GMDS: variants seen among roughly 807,000 people sequenced by gnomAD.
GMDS encodes GDP-mannose 4,6-dehydratase.
Under a neutral mutation model 49.9 loss-of-function variants are expected in GMDS, and 20 were observed. The ratio of observed to expected loss-of-function variants is 0.40; its 90% confidence interval spans 0.28 to 0.58. The LOEUF (loss-of-function observed/expected upper bound fraction) is 0.58. Among genes scored for constraint, GMDS ranks in the 20% least tolerant of loss-of-function variants. The probability of loss-of-function intolerance (pLI) is 0.42; values close to 1 mark genes in which losing one functional copy is unlikely to be tolerated. For missense variants in GMDS, 362 were observed against 481.4 expected, an observed-to-expected ratio of 0.75 and a Z score of 2.32; for synonymous variants, 177 against 178.6, an observed-to-expected ratio of 0.99 and a Z score of 0.07.
At chr6:1,758,170 A>G (rs1036260204) in intron 7 of GMDS, among the ~76,000 whole-genome samples, 15 of 152,342 alleles carry the variant, frequency 9.8e-5, no homozygotes, top group African/African-American at 3.6e-4. Context: ...TTATCCTGCT[A>G]AAACTCTCTG....
At chr6:2,219,330 T>A (rs1780478171) in intron 1 of GMDS, among the ~76,000 whole-genome samples, 1 of 152,142 alleles carries the variant, frequency 6.6e-6, no homozygotes, top group African/African-American at 2.4e-5. Flanking sequence ...ACAGAACCAG[T>A]TTGGCTGAAG....
At chr6:1,754,752 A>G (rs1016743725) in intron 7 of GMDS, among the ~76,000 whole-genome samples, 1 of 152,218 alleles carries the variant, frequency 6.6e-6, no homozygotes, top group African/African-American at 2.4e-5. Context: ...ATAATCCATC[A>G]CATAAACAGA....
chr6:1,943,517 G>C (rs924802678), intron 6 of GMDS, among the ~76,000 whole-genome samples: 2 of 152,206 alleles, frequency 1.3e-5, no homozygotes, highest in Non-Finnish European at 2.9e-5. Flanking sequence ...AGAGGGAGGG[G>C]AGCAGGGCTA....
chr6:1,924,328 C>A (rs943505039), intron 7 of GMDS, among the ~76,000 whole-genome samples: 24 of 152,212 alleles, frequency 1.6e-4, no homozygotes, highest in Non-Finnish European at 3.4e-4. Flanking sequence ...CCCTAACGAT[C>A]CTCACGTCCT....
At chr6:2,037,218 A>G (rs1769357448) in intron 4 of GMDS, among the ~76,000 whole-genome samples, 1 of 152,196 alleles carries the variant, frequency 6.6e-6, no homozygotes, top group South Asian at 2.1e-4. Context: ...CTTCTTGTAC[A>G]AGTAAAAGAA....
At chr6:1,887,554 G>A (rs1206376818) in intron 7 of GMDS, among the ~76,000 whole-genome samples, 1 of 152,078 alleles carries the variant, frequency 6.6e-6, no homozygotes, top group African/African-American at 2.4e-5. Flanking sequence ...ATTTTCTTCT[G>A]CTCTGCCTTC....
chr6:2,135,069 A>G (rs971704148), intron 1 of GMDS, among the ~76,000 whole-genome samples: 1 of 152,160 alleles, frequency 6.6e-6, no homozygotes, highest in African/African-American at 2.4e-5. Context: ...AGAATATGAA[A>G]CCAATTTGTT....
intron 7 of GMDS, among the ~76,000 whole-genome samples, chr6:1,863,918 T>C (rs983877424): frequency 6.6e-6 from 1 of 152,146 alleles, no homozygotes; most frequent in South Asian, 2.1e-4. Context: ...TTTTCTAATG[T>C]GTCATTTAAA....
chr6:1,743,748 T>A (rs1305328750), intron 7 of GMDS, among the ~76,000 whole-genome samples: 1 of 145,024 alleles, frequency 6.9e-6, no homozygotes, highest in Non-Finnish European at 1.5e-5. Context: ...TTTTTTTTTT[T>A]AATACAGATA....
intron 9 of GMDS, among the ~76,000 whole-genome samples, chr6:1,656,742 C>T (rs960055421): frequency 4.7e-5 from 7 of 150,482 alleles, no homozygotes; most frequent in African/African-American, 1.2e-4. Flanking sequence ...CCAGCCTGGG[C>T]GACAGAGCGA....
chr6:2,139,675 A>C (rs1481671581), intron 1 of GMDS, among the ~76,000 whole-genome samples: 1 of 152,234 alleles, frequency 6.6e-6, no homozygotes, highest in Non-Finnish European at 1.5e-5. Context: ...AAAGTCACAA[A>C]GCTATTAACT....
At chr6:2,094,180 A>G (rs924847558) in intron 4 of GMDS, among the ~76,000 whole-genome samples, 9 of 152,236 alleles carry the variant, frequency 5.9e-5, no homozygotes, top group African/African-American at 2.2e-4. Context: ...TGTGACAGTG[A>G]GGCAGACACA....
At chr6:1,820,071 T>C (rs1770831543) in intron 7 of GMDS, among the ~76,000 whole-genome samples, 3 of 151,998 alleles carry the variant, frequency 2.0e-5, no homozygotes. Flanking sequence ...TTTTATGATA[T>C]TGTACATTTT....
At chr6:1,910,038 G>A (rs1019240227) in intron 7 of GMDS, among the ~76,000 whole-genome samples, 8 of 152,006 alleles carry the variant, frequency 5.3e-5, no homozygotes, top group Admixed American at 5.2e-4. Flanking sequence ...TACAGAAAAA[G>A]GAATGTAAAA....
intron 4 of GMDS, among the ~76,000 whole-genome samples, chr6:2,033,493 T>C (rs1418539699): frequency 6.6e-6 from 1 of 152,220 alleles, no homozygotes; most frequent in African/African-American, 2.4e-5. Context: ...ACTTTATCAC[T>C]GAACCAAATA....
chr6:2,027,556 T>C (rs983803985), intron 4 of GMDS, among the ~76,000 whole-genome samples: 1 of 152,112 alleles, frequency 6.6e-6, no homozygotes, highest in East Asian at 1.9e-4. Context: ...ATCAACATAA[T>C]GATAAGCATA....
chr6:1,630,904 G>T (rs940176135), intron 9 of GMDS, among the ~76,000 whole-genome samples: 1 of 152,068 alleles, frequency 6.6e-6, no homozygotes, highest in African/African-American at 2.4e-5. Flanking sequence ...TCATAGTTGT[G>T]ATGCGGGGGC....
intron 1 of GMDS, among the ~76,000 whole-genome samples, chr6:2,188,833 G>A (rs1242705505): frequency 2.0e-5 from 3 of 152,210 alleles, no homozygotes; most frequent in African/African-American, 4.8e-5. Context: ...CACAGGTGAG[G>A]ACGTGGAAGA....
At chr6:1,737,062 G>T (rs979776880) in intron 8 of GMDS, among the ~76,000 whole-genome samples, 10 of 152,192 alleles carry the variant, frequency 6.6e-5, no homozygotes, top group African/African-American at 2.4e-4. Context: ...CAAATGAAGG[G>T]AGCAAGGTGC....
Sources: allele counts gnomAD v4.1 joint callset (sites outside exome capture counted in the v4.1 genomes callset), GRCh38; gene constraint gnomAD v4.1.1; transcripts MANE v1.5; gene names NCBI Gene and HGNC (gene_info 2026-07-23, HGNC 2026-07-21).